The following FARSB variants were observed in gnomAD, a reference collection of about 807,000 sequenced individuals.
FARSB encodes the protein phenylalanine--tRNA ligase beta subunit.
FARSB carries 40 observed loss-of-function variants against 69.6 expected under a neutral mutation model. That is an observed-to-expected ratio of 0.57 (90% CI 0.45 to 0.75). The LOEUF (loss-of-function observed/expected upper bound fraction) is 0.75, where lower values mean the gene tolerates loss of function less well. FARSB is among the 30% of genes least tolerant of loss of function. FARSB has a pLI of 0.00. For synonymous variants in FARSB, 235 were observed against 247.2 expected, an observed-to-expected ratio of 0.95 and a Z score of 0.46; for missense variants, 632 against 722.9, an observed-to-expected ratio of 0.87 and a Z score of 1.44.
At chr2:222,587,042 A>T (rs1690133727) in intron 16 of FARSB, among the ~76,000 whole-genome samples, 1 of 152,226 alleles carries the variant, frequency 6.6e-6, no homozygotes, top group South Asian at 2.1e-4. Context: ...ATCCCAAATC[A>T]ACAGAATATA....
chr2:222,617,727 AC>A (rs1457716262), intron 14 of FARSB, among the ~76,000 whole-genome samples: 2 of 152,156 alleles, frequency 1.3e-5, no homozygotes, highest in Non-Finnish European at 2.9e-5. Context: ...CTATTAAAGT[AC>A]AAAAATTAGC....
Position 222,586,648 on chromosome 2 carries a change from A to G in FARSB, c.1618+13280T>C, listed in dbSNP as rs1574913917. On this transcript the variant is annotated intron_variant, in intron 16 of 16. Transcript: ENST00000281828. Reference sequence around the variant, plus strand: ...GCAGAGATACACACAGGCTCAAAATAAAGGGATGGAGGAAGATCTACCAAG... The same window carrying G: ...GCAGAGATACACACAGGCTCAAAATGAAGGGATGGAGGAAGATCTACCAAG... Among the ~76,000 whole-genome samples the G allele has an allele frequency of 5.3e-5, 8 of 152,328 alleles. No homozygotes were observed. In the South Asian group the frequency reaches 8.3e-4, roughly 16 times the overall value.
chr2:222,624,793 TA>T lies in FARSB; in HGVS notation c.901-19del. ...GCTAATTCCTTAAATAGAAAGAGTTTAAAAAGTAAATCATTTCCCATCAGAT... is the reference window on the plus strand; with the variant it reads ...GCTAATTCCTTAAATAGAAAGAGTTTAAAAGTAAATCATTTCCCATCAGAT... On this transcript the variant is annotated intron_variant, in intron 10 of 16. Coordinates refer to ENST00000281828, the MANE Select transcript of FARSB (RefSeq NM_005687.5). 1 of 1,492,424 alleles carries T rather than the reference TA, an allele frequency of 6.7e-7. No homozygotes were observed. Among genetic ancestry groups the T allele is most frequent in the Non-Finnish European group, 9.3e-7 (1 of 1,079,160 alleles). 92.4% of individuals were successfully genotyped at this position (1,492,424 alleles called of 1,614,324 possible). A position where few individuals can be genotyped will look rare whatever the true frequency, so the allele number is the denominator to read the frequency against.
intron 1 of FARSB, among the ~76,000 whole-genome samples, chr2:222,653,033 G>T (rs1481511339): frequency 6.6e-6 from 1 of 152,138 alleles, no homozygotes; most frequent in East Asian, 1.9e-4. Flanking sequence ...CACCTTAGGG[G>T]TGTATATGAT....
chr2:222,594,646 G>A (rs1690365212), intron 16 of FARSB, among the ~76,000 whole-genome samples: 1 of 152,092 alleles, frequency 6.6e-6, no homozygotes, highest in Non-Finnish European at 1.5e-5. Flanking sequence ...GCCCTTAGTG[G>A]AGAGATTAAT....
intron 16 of FARSB, among the ~76,000 whole-genome samples, chr2:222,573,175 AT>A (rs1689756238): frequency 6.6e-6 from 1 of 152,180 alleles, no homozygotes; most frequent in Non-Finnish European, 1.5e-5. Context: ...ACAAAGGACA[AT>A]TACATATATT....
Position 222,571,210 on chromosome 2 carries a change from C to G in FARSB, c.*661G>C, listed in dbSNP as rs541789017. ...CAATACTTGTCCATTTTAACTCTTA[C>G]AGCAGAACAGATCTTTGTTGCATGT... On this transcript the variant is annotated 3_prime_UTR_variant, in exon 17 of 17. Transcript: ENST00000281828. The G allele has an allele frequency of 2.0e-5, 3 of 152,328 alleles. No individual in the cohort carries two copies. Among genetic ancestry groups the G allele is most frequent in the African/African-American group, 7.2e-5 (3 of 41,566 alleles). 9.4% of individuals were successfully genotyped at this position (152,328 alleles called of 1,614,324 possible). A position where few individuals can be genotyped will look rare whatever the true frequency, so the allele number is the denominator to read the frequency against.
chr2:222,631,481 AT>A (rs375021033), intron 8 of FARSB, 122 bp downstream of exon 8: 12 of 684,642 alleles, frequency 1.8e-5, no homozygotes, highest in Non-Finnish European at 2.9e-5. Context: ...AATTGTCTAA[AT>A]TTCTAAAATA....
intron 2 of FARSB, among the ~76,000 whole-genome samples, 174 bp from the exon 3 acceptor site, chr2:222,643,179 A>T (rs551001376): frequency 6.6e-6 from 1 of 152,290 alleles, no homozygotes; most frequent in Non-Finnish European, 1.5e-5. Flanking sequence ...TGTTATAATC[A>T]TAGCAGACAG....
At chr2:222,623,045 T>G (rs571387327) in intron 13 of FARSB, among the ~76,000 whole-genome samples, 1 of 151,890 alleles carries the variant, frequency 6.6e-6, no homozygotes, top group African/African-American at 2.4e-5. Flanking sequence ...GCTCAAGAAC[T>G]ACATTGCAGG....
At position 222,654,376 on chromosome 2, in the gene FARSB, T is replaced by C. The variant is rs1183543216; in HGVS notation, c.58+1640A>G. ...CATAAAATTAACTTCAGGCTATGCA[T>C]ATAAGGTATATGTGAAATATAAATC... On this transcript the variant is annotated intron_variant, in intron 1 of 16. Coordinates refer to ENST00000281828, the MANE Select transcript of FARSB (RefSeq NM_005687.5). Among the ~76,000 whole-genome samples, 5 of 152,232 alleles carry C rather than the reference T, an allele frequency of 3.3e-5. No homozygotes were observed. The East Asian group carries it at 9.6e-4, about 29-fold the overall frequency.
rs111570307 is a variant in FARSB at position 222,592,865 on chromosome 2, T to G, written c.1618+7063A>C. ...TTAGGGAAATAAATCATTCCTAAGTTTTAACTTGTGCACTCTTCTGAGTAG... is the reference window on the plus strand; with the variant it reads ...TTAGGGAAATAAATCATTCCTAAGTGTTAACTTGTGCACTCTTCTGAGTAG... On this transcript the variant is annotated intron_variant, in intron 16 of 16. Transcript: ENST00000281828. 7.8e-3 allele frequency among the ~76,000 whole-genome samples: 1,180 copies of G among 151,970 alleles called. 11 individuals are homozygous for G. Among genetic ancestry groups the G allele is most frequent in the African/African-American group, 0.027 (1,126 of 41,454 alleles).
chr2:222,633,234 T>C lies in FARSB; in HGVS notation c.680A>G (p.Asn227Ser). Residue 227 changes from asparagine to serine, a missense_variant, in exon 7 of 17, where the codon AAT becomes AGT. Coordinates refer to ENST00000281828, the MANE Select transcript of FARSB (RefSeq NM_005687.5). ...GGGAGGCATTGAAAGGACGACACCA[T>C]TGCTATCATAGATAACTGGATACAG... ...KPLYPVIYDSNGVVLSMPPII... is the reference protein window; with the variant it reads ...KPLYPVIYDSSGVVLSMPPII... 6.3e-7 allele frequency: 1 copy of C among 1,579,688 alleles called. No homozygotes were observed. Among genetic ancestry groups the C allele is most frequent in the Non-Finnish European group, 8.7e-7 (1 of 1,149,844 alleles).
Position 222,570,459 on chromosome 2 carries a change from CTAG to C in FARSB, c.*1409_*1411del, listed in dbSNP as rs1339483385. ...GGTTGTAATATGGTCAGGTTTTCTC[CTAG>C]TAGTAGACTCAGCAAAAGATCCATA... On this transcript the variant is annotated 3_prime_UTR_variant, in exon 17 of 17. Transcript: ENST00000281828. 1 of 152,058 alleles carries C rather than the reference CTAG, an allele frequency of 6.6e-6. No individual in the cohort carries two copies. The highest frequency in any genetic ancestry group is 1.5e-5 in the Non-Finnish European group (1 of 68,012). The allele number at this position is 152,058 out of a possible 1,614,324, so 9.4% of individuals were successfully genotyped here.
chr2:222,617,914 T>A (rs913807156), intron 14 of FARSB, among the ~76,000 whole-genome samples: 2 of 152,076 alleles, frequency 1.3e-5, no homozygotes, highest in African/African-American at 4.8e-5. Flanking sequence ...TAAAGTTTTT[T>A]AAAAAAGTAA....
rs183995970 is a variant in FARSB at position 222,596,854 on chromosome 2, A to G, written c.1618+3074T>C. The stretch of plus-strand genomic sequence containing the variant: ...CACATACATATATATTAGATGAAAA[A>G]CTTAATACCAACTTTATTACTGACT... On this transcript the variant is annotated intron_variant, in intron 16 of 16. Transcript: ENST00000281828. Among the ~76,000 whole-genome samples, 3 of 152,178 alleles carry G rather than the reference A, an allele frequency of 2.0e-5. No individual in the cohort carries two copies. The East Asian group carries it at 5.8e-4, about 29-fold the overall frequency.
chr2:222,595,831 T>C (rs1690398314), intron 16 of FARSB, among the ~76,000 whole-genome samples: 1 of 151,984 alleles, frequency 6.6e-6, no homozygotes, highest in Non-Finnish European at 1.5e-5. Flanking sequence ...AAGTGGTTTT[T>C]GAAAAGGATA....
intron 4 of FARSB, 62 bp from the exon 5 acceptor site, chr2:222,639,757 A>G: frequency 1.5e-6 from 1 of 668,344 alleles, no homozygotes; most frequent in Non-Finnish European, 2.5e-6. Flanking sequence ...AATATCTTGT[A>G]ATAGGAAGGT....
At chr2:222,617,673 C>T (rs971732043) in intron 14 of FARSB, among the ~76,000 whole-genome samples, 6 of 152,170 alleles carry the variant, frequency 3.9e-5, no homozygotes, top group Non-Finnish European at 7.3e-5. Context: ...CACTTGAGGC[C>T]GGGAGTTCGA....
Sources: gnomAD v4.1 joint callset for allele counts (sites outside exome capture counted in the v4.1 genomes callset) on GRCh38, gnomAD v4.1.1 for gene constraint, MANE v1.5 for transcripts, NCBI Gene and HGNC (gene_info 2026-07-23, HGNC 2026-07-21) for gene names.